The following EEIG2 variants were observed in gnomAD, a reference collection of about 807,000 sequenced individuals.
EEIG2 encodes EEIG family member 2.
At chr1:108,620,564 G>A in the EEIG2 span, among the ~76,000 whole-genome samples, 19 of 152,308 alleles carry the variant, frequency 1.2e-4, 2 homozygotes, top group African/African-American at 4.3e-4. Context: ...AGCAGATCTA[G>A]GGGTGATATA....
chr1:108,590,828 A>C, the EEIG2 span, among the ~76,000 whole-genome samples: 1 of 152,244 alleles, frequency 6.6e-6, no homozygotes, highest in Non-Finnish European at 1.5e-5. Flanking sequence ...GGGTATACCT[A>C]TGCAAGTTAT....
the EEIG2 span, among the ~76,000 whole-genome samples, chr1:108,588,098 A>G: frequency 1.3e-5 from 2 of 151,992 alleles, no homozygotes; most frequent in Admixed American, 6.6e-5. Flanking sequence ...CATTTTCTTT[A>G]TCCATTCATC....
At chr1:108,634,664 A>T in the EEIG2 span, among the ~76,000 whole-genome samples, 2 of 152,172 alleles carry the variant, frequency 1.3e-5, no homozygotes, top group Admixed American at 6.5e-5. Flanking sequence ...CTGCACTTCC[A>T]TCTGGGCAAC....
the EEIG2 span, chr1:108,560,671 T>C: frequency 7.5e-7 from 1 of 1,333,268 alleles, no homozygotes; most frequent in East Asian, 2.6e-5. Flanking sequence ...TAGGGACCGC[T>C]CTAAAATCAG....
At chr1:108,606,637 T>C in the EEIG2 span, among the ~76,000 whole-genome samples, 1 of 152,190 alleles carries the variant, frequency 6.6e-6, no homozygotes, top group African/African-American at 2.4e-5. Flanking sequence ...GTTTTTACTT[T>C]TACTAGCTAT....
the EEIG2 span, among the ~76,000 whole-genome samples, chr1:108,633,538 C>T: frequency 1.3e-5 from 2 of 152,162 alleles, no homozygotes; most frequent in African/African-American, 2.4e-5. Flanking sequence ...TTACTGGGAC[C>T]GGCATGCACC....
At chr1:108,619,934 C>T in the EEIG2 span, among the ~76,000 whole-genome samples, 4 of 152,154 alleles carry the variant, frequency 2.6e-5, no homozygotes, top group African/African-American at 9.7e-5. Flanking sequence ...TAAAATTTTA[C>T]TTTATATCCC....
the EEIG2 span, among the ~76,000 whole-genome samples, chr1:108,622,082 G>A: frequency 7.2e-5 from 11 of 152,144 alleles, no homozygotes; most frequent in Admixed American, 2.0e-4. Flanking sequence ...ACTTGAACCC[G>A]GGAGGCGGAG....
chr1:108,589,917 A>G, the EEIG2 span, among the ~76,000 whole-genome samples: 1 of 150,178 alleles, frequency 6.7e-6, no homozygotes, highest in African/African-American at 2.5e-5. Flanking sequence ...CAGCCTCCCA[A>G]GTAGCTAGGA....
At chr1:108,575,932 A>C in the EEIG2 span, among the ~76,000 whole-genome samples, 1,460 of 147,518 alleles carry the variant, frequency 9.9e-3, 23 homozygotes, top group African/African-American at 0.037. Flanking sequence ...GGATTTGTAC[A>C]CTTAAAATGA....
chr1:108,587,413 C>T, the EEIG2 span, among the ~76,000 whole-genome samples: 3 of 152,180 alleles, frequency 2.0e-5, no homozygotes, highest in South Asian at 2.1e-4. Flanking sequence ...CCTTCCTTGA[C>T]GCAGCATCAT....
the EEIG2 span, among the ~76,000 whole-genome samples, chr1:108,597,640 T>G: frequency 6.6e-6 from 1 of 152,208 alleles, no homozygotes; most frequent in Non-Finnish European, 1.5e-5. Flanking sequence ...TTCCTCAGTA[T>G]GCTAAACTAG....
At chr1:108,630,108 A>T in the EEIG2 span, among the ~76,000 whole-genome samples, 1 of 152,206 alleles carries the variant, frequency 6.6e-6, no homozygotes, top group Non-Finnish European at 1.5e-5. Flanking sequence ...CCTCTTGAGC[A>T]GCTGGGACCA....
the EEIG2 span, among the ~76,000 whole-genome samples, chr1:108,623,676 A>T: frequency 1.3e-5 from 2 of 152,270 alleles, no homozygotes; most frequent in Middle Eastern, 3.4e-3. Flanking sequence ...AAAATAAAAA[A>T]ATATTTTTTT....
chr1:108,562,657 T>G, the EEIG2 span, among the ~76,000 whole-genome samples: 12 of 152,090 alleles, frequency 7.9e-5, no homozygotes, highest in Non-Finnish European at 4.4e-5. Context: ...ATCACTGACA[T>G]GTGGTGGTGT....
chr1:108,630,991 C>T, the EEIG2 span: 9 of 196,080 alleles, frequency 4.6e-5, no homozygotes, highest in Admixed American at 2.9e-4. Flanking sequence ...AATAGACTAA[C>T]AGCAAAAACC....
At chr1:108,588,349 G>T in the EEIG2 span, among the ~76,000 whole-genome samples, 1 of 151,994 alleles carries the variant, frequency 6.6e-6, no homozygotes, top group Non-Finnish European at 1.5e-5. Context: ...TCCCTTTTCT[G>T]CATATCCTCA....
the EEIG2 span, among the ~76,000 whole-genome samples, chr1:108,602,339 CAG>C: frequency 6.6e-6 from 1 of 152,188 alleles, no homozygotes; most frequent in Non-Finnish European, 1.5e-5. Context: ...AAGGTGTCAG[CAG>C]GGCCATGCTC....
At chr1:108,611,634 A>G in the EEIG2 span, among the ~76,000 whole-genome samples, 1 of 152,354 alleles carries the variant, frequency 6.6e-6, no homozygotes, top group East Asian at 1.9e-4. Flanking sequence ...GGTACCAAAG[A>G]AAATAGGTGA....
Sources: allele counts gnomAD v4.1 joint callset (sites outside exome capture counted in the v4.1 genomes callset), GRCh38; gene constraint gnomAD v4.1.1; transcripts MANE v1.5; gene names NCBI Gene and HGNC (gene_info 2026-07-23, HGNC 2026-07-21).